SNTG2: variants seen among roughly 807,000 people sequenced by gnomAD.
The protein encoded by SNTG2 is syntrophin gamma 2.
Under a neutral mutation model 70.9 loss-of-function variants are expected in SNTG2, and 74 were observed. The observed-to-expected ratio is 1.04, with a 90% CI of 0.86 to 1.27. The LOEUF (loss-of-function observed/expected upper bound fraction) is 1.27, where lower values mean the gene tolerates loss of function less well. SNTG2 is among the 50% of genes most tolerant of loss of function. The pLI is 0.00. For synonymous variants in SNTG2, 278 were observed against 273.8 expected (o/e 1.02, Z -0.15); for missense variants, 717 against 690.7 (o/e 1.04, Z -0.43).
At chr2:1,257,443 G>T (rs1434663075) in intron 12 of SNTG2, among the ~76,000 whole-genome samples, 1 of 152,170 alleles carries the variant, frequency 6.6e-6, no homozygotes, top group East Asian at 1.9e-4. Flanking sequence ...TAGGAGGAAG[G>T]CAGGACTACG....
At chr2:1,194,962 G>A (rs1267143986) in intron 8 of SNTG2, among the ~76,000 whole-genome samples, 1 of 152,134 alleles carries the variant, frequency 6.6e-6, no homozygotes, top group Non-Finnish European at 1.5e-5. Context: ...CCACTTGTGA[G>A]TGAGAACATG....
intron 1 of SNTG2, among the ~76,000 whole-genome samples, chr2:983,670 C>T (rs921196273): frequency 9.8e-5 from 15 of 152,318 alleles, no homozygotes; most frequent in East Asian, 9.6e-4. Context: ...CCTAAGTGTA[C>T]GCTGACCTTC....
intron 9 of SNTG2, among the ~76,000 whole-genome samples, chr2:1,214,010 C>G (rs1408257249): frequency 6.6e-6 from 1 of 152,188 alleles, no homozygotes; most frequent in Admixed American, 6.5e-5. Context: ...AAGAGACTGT[C>G]ATTTCCTCAT....
At position 1,189,708 on chromosome 2, in the gene SNTG2, A is replaced by G. The variant is rs4381810; in HGVS notation, c.591+16525A>G. 5.9e-3 allele frequency among the ~76,000 whole-genome samples: 891 copies of G among 152,078 alleles called. 7 individuals carry two copies. The highest frequency in any genetic ancestry group is 0.019 in the African/African-American group (805 of 41,514). On this transcript the variant is annotated intron_variant, in intron 8 of 16. Coordinates refer to ENST00000308624, the MANE Select transcript of SNTG2 (RefSeq NM_018968.4). ...CAAGTAGGTGCACGCCAGCACGCCC[A>G]GCTAATTTTTTTGTATTTTTAGTAG...
chr2:1,151,898 C>T (rs554176936), intron 6 of SNTG2, among the ~76,000 whole-genome samples: 17 of 152,006 alleles, frequency 1.1e-4, no homozygotes, highest in South Asian at 6.3e-4. Flanking sequence ...CACTAAGCAT[C>T]AGAACTAAGA....
intron 14 of SNTG2, among the ~76,000 whole-genome samples, chr2:1,285,858 G>T (rs1679742770): frequency 6.6e-6 from 1 of 152,172 alleles, no homozygotes; most frequent in African/African-American, 2.4e-5. Flanking sequence ...GTCCTGCCTG[G>T]ATTGGGCTGT....
chr2:1,058,403 A>G (rs1298944228), intron 1 of SNTG2, among the ~76,000 whole-genome samples: 2 of 152,168 alleles, frequency 1.3e-5, no homozygotes, highest in African/African-American at 4.8e-5. Context: ...ATTATGTGAC[A>G]TTGTTTCTTT....
intron 1 of SNTG2, among the ~76,000 whole-genome samples, chr2:966,327 A>G (rs1303087871): frequency 1.3e-5 from 2 of 152,228 alleles, no homozygotes; most frequent in African/African-American, 2.4e-5. Flanking sequence ...AAAAATTTAA[A>G]TATCTGCAAT....
intron 1 of SNTG2, among the ~76,000 whole-genome samples, chr2:1,060,542 A>G (rs1001988599): frequency 2.6e-5 from 4 of 152,222 alleles, no homozygotes; most frequent in Admixed American, 2.6e-4. Context: ...CCCTGAGGAC[A>G]GTCTGGCTCC....
intron 6 of SNTG2, among the ~76,000 whole-genome samples, chr2:1,139,511 C>T (rs915353620): frequency 3.3e-5 from 5 of 152,232 alleles, no homozygotes; most frequent in South Asian, 2.1e-4. Flanking sequence ...GCTGGGATTA[C>T]AGGTGTGAGC....
At chr2:1,221,554 TGTCCTCTCTCTC>T (rs2148029160) in intron 9 of SNTG2, among the ~76,000 whole-genome samples, 1 of 2 alleles carries the variant, frequency 0.5, no homozygotes, top group African/African-American at 0.5. Flanking sequence ...TGTCTCTGTG[TGTCCTCTCTCTC>T]TCTCTCTGTC....
chr2:1,075,041 C>G (rs1173753200), intron 1 of SNTG2, among the ~76,000 whole-genome samples: 1 of 152,156 alleles, frequency 6.6e-6, no homozygotes, highest in African/African-American at 2.4e-5. Flanking sequence ...TCTGACTATA[C>G]AGAATGGACC....
intron 4 of SNTG2, among the ~76,000 whole-genome samples, chr2:1,116,523 T>TG (rs1242047785): frequency 6.7e-6 from 1 of 150,272 alleles, no homozygotes; most frequent in Non-Finnish European, 1.5e-5. Context: ...GGTGTGTGGG[T>TG]GCTCCAGTGT....
At chr2:1,231,526 G>A (rs1456094502) in intron 9 of SNTG2, among the ~76,000 whole-genome samples, 1 of 152,206 alleles carries the variant, frequency 6.6e-6, no homozygotes, top group Non-Finnish European at 1.5e-5. Flanking sequence ...GCCATTCAAT[G>A]CAGCACTGTG....
chr2:1,060,531 C>T (rs561991954), intron 1 of SNTG2, among the ~76,000 whole-genome samples: 1 of 152,256 alleles, frequency 6.6e-6, no homozygotes, highest in Admixed American at 6.5e-5. Flanking sequence ...GGAACCAGGG[C>T]CCCTGAGGAC....
intron 9 of SNTG2, among the ~76,000 whole-genome samples, chr2:1,218,813 G>T (rs1422874396): frequency 6.6e-6 from 1 of 152,192 alleles, no homozygotes; most frequent in Non-Finnish European, 1.5e-5. Flanking sequence ...AACTCATGGG[G>T]GCTCTTGTGA....
chr2:1,244,004 C>T (rs536260823), intron 11 of SNTG2, among the ~76,000 whole-genome samples: 179 of 151,846 alleles, frequency 1.2e-3, no homozygotes, highest in Non-Finnish European at 1.7e-3. Flanking sequence ...CCAGCCCGGG[C>T]GACAGAGCAA....
At chr2:1,323,351 A>G (rs1260628668) in intron 16 of SNTG2, among the ~76,000 whole-genome samples, 1 of 152,206 alleles carries the variant, frequency 6.6e-6, no homozygotes, top group African/African-American at 2.4e-5. Context: ...AAACACCAAT[A>G]AAACTCTGAA....
chr2:1,120,000 T>G (rs570462360), intron 4 of SNTG2, among the ~76,000 whole-genome samples: 1 of 152,262 alleles, frequency 6.6e-6, no homozygotes, highest in South Asian at 2.1e-4. Context: ...AAAATGGCAT[T>G]GATAATTCCT....
Sources: allele counts gnomAD v4.1 joint callset (sites outside exome capture counted in the v4.1 genomes callset), GRCh38; gene constraint gnomAD v4.1.1; transcripts MANE v1.5; gene names NCBI Gene and HGNC (gene_info 2026-07-23, HGNC 2026-07-21).